CCDC138: variants seen among roughly 807,000 people sequenced by gnomAD.
CCDC138 encodes the protein coiled-coil domain containing 138, also known as coiled-coil domain-containing protein 138.
A neutral mutation model predicts 82.3 loss-of-function variants in CCDC138; 66 were observed. That is an observed-to-expected ratio of 0.80 (90% confidence interval 0.66 to 0.98). The LOEUF is 0.98. CCDC138 is among the 50% of genes least tolerant of loss of function. The pLI is 0.00. For missense variants in CCDC138, 816 were observed against 758.9 expected (o/e 1.08, Z -0.88); for synonymous variants, 297 against 265.4 (o/e 1.12, Z -1.16).
rs1174728694 is a variant in CCDC138, at chr2:108,846,944, T to C, written c.1516+14T>C. Reference sequence around the variant, plus strand: ...CAGTCACTCAAGGTAAGCTTTCAATTGTACTTATGGTTAATTTTGAGAAAC... The same window carrying C: ...CAGTCACTCAAGGTAAGCTTTCAATCGTACTTATGGTTAATTTTGAGAAAC... On this transcript the variant is annotated intron_variant, in intron 12 of 14. Coordinates refer to ENST00000295124, the MANE Select transcript of CCDC138 (RefSeq NM_144978.3). The C allele has an allele frequency of 1.4e-6, 2 of 1,398,104 alleles. No individual in the cohort carries two copies. The highest frequency in any genetic ancestry group is 1.0e-6 in the Non-Finnish European group (1 of 994,220). The allele number at this position is 1,398,104 out of a possible 1,614,324, so 86.6% of individuals were successfully genotyped here. A position where few individuals can be genotyped will look rare whatever the true frequency, so the allele number is the denominator to read the frequency against.
At chr2:108,823,838 G>A (rs147140345) in intron 10 of CCDC138, among the ~76,000 whole-genome samples, 6 of 152,254 alleles carry the variant, frequency 3.9e-5, no homozygotes, top group African/African-American at 7.2e-5. Context: ...TTAGTTGGGC[G>A]TGGTGGCGGG....
chr2:108,787,135 G>T (rs1678982088), intron 1 of CCDC138, among the ~76,000 whole-genome samples: 1 of 152,214 alleles, frequency 6.6e-6, no homozygotes, highest in African/African-American at 2.4e-5. Flanking sequence ...CTGTGTTCCT[G>T]GTATACTGGG....
At position 108,828,408 on chromosome 2, in the gene CCDC138, T is replaced by C. The variant is rs116558440; in HGVS notation, c.1207-10777T>C. ...GCACAATGAAAAGCCAAAACAACCATAAAAAGAACAAAGTTAGAGAGAGCT... is the reference window on the plus strand; with the variant it reads ...GCACAATGAAAAGCCAAAACAACCACAAAAAGAACAAAGTTAGAGAGAGCT... On this transcript the variant is annotated intron_variant, in intron 10 of 14. Coordinates refer to ENST00000295124, the MANE Select transcript of CCDC138 (RefSeq NM_144978.3). Among the ~76,000 whole-genome samples the C allele has an allele frequency of 8.3e-3, 1,266 of 152,216 alleles. 14 individuals carry two copies. Among genetic ancestry groups the C allele is most frequent in the African/African-American group, 0.029 (1,192 of 41,520 alleles).
intron 10 of CCDC138, among the ~76,000 whole-genome samples, chr2:108,838,947 G>A (rs1032073067): frequency 2.0e-5 from 3 of 152,048 alleles, no homozygotes; most frequent in African/African-American, 7.2e-5. Context: ...CTTTGTGTAG[G>A]TTAATCTCCT....
intron 10 of CCDC138, among the ~76,000 whole-genome samples, chr2:108,830,255 G>A (rs906064088): frequency 6.6e-6 from 1 of 152,174 alleles, no homozygotes; most frequent in African/African-American, 2.4e-5. Flanking sequence ...AAGGGCTGGG[G>A]GAAGAGAATG....
downstream of CCDC138, among the ~76,000 whole-genome samples, chr2:108,879,142 T>A (rs1238550549): frequency 3.3e-5 from 5 of 152,222 alleles, no homozygotes; most frequent in Non-Finnish European, 5.9e-5. Flanking sequence ...TATTTATTTA[T>A]TTAATTTTCT....
chr2:108,874,097 A>G (rs996954113), intron 14 of CCDC138, among the ~76,000 whole-genome samples: 2 of 152,208 alleles, frequency 1.3e-5, no homozygotes, highest in Non-Finnish European at 2.9e-5. Flanking sequence ...AGCAGTTTTT[A>G]GCAACCAAGT....
intron 7 of CCDC138, among the ~76,000 whole-genome samples, chr2:108,811,222 C>A (rs1357631946): frequency 7.3e-6 from 1 of 136,318 alleles, no homozygotes; most frequent in Admixed American, 7.6e-5. Flanking sequence ...TATTTCTTCT[C>A]TCCCTTTTCT....
At chr2:108,827,632 C>A (rs987369901) in intron 10 of CCDC138, among the ~76,000 whole-genome samples, 1 of 151,854 alleles carries the variant, frequency 6.6e-6, no homozygotes, top group East Asian at 1.9e-4. Flanking sequence ...CTGGCTAACA[C>A]AGTGAAACCC....
intron 10 of CCDC138, among the ~76,000 whole-genome samples, chr2:108,828,324 A>C (rs1219204967): frequency 1.3e-5 from 2 of 152,244 alleles, no homozygotes; most frequent in Non-Finnish European, 2.9e-5. Context: ...ACGTAAAAAC[A>C]TAAAACTTTT....
At chr2:108,856,060 G>T (rs955080285) in intron 12 of CCDC138, among the ~76,000 whole-genome samples, 1 of 152,206 alleles carries the variant, frequency 6.6e-6, no homozygotes, top group Non-Finnish European at 1.5e-5. Context: ...GTTGTGTAGT[G>T]TACTGAAGTG....
At chr2:108,882,036 C>T (rs1429165099) in intron 1 of CCDC138, among the ~76,000 whole-genome samples, 1 of 151,882 alleles carries the variant, frequency 6.6e-6, no homozygotes, top group Non-Finnish European at 1.5e-5. Context: ...CGCTTGTAGT[C>T]CTAGCAACTC....
intron 4 of CCDC138, among the ~76,000 whole-genome samples, chr2:108,794,019 A>G (rs1451779176): frequency 6.6e-6 from 1 of 152,204 alleles, no homozygotes; most frequent in African/African-American, 2.4e-5. Flanking sequence ...AGTGTTTGCA[A>G]AATAGGATAT....
chr2:108,786,852 G>A lies in CCDC138; in HGVS notation c.30G>A (p.Gly10=). The A allele has an allele frequency of 6.3e-7, 1 of 1,593,784 alleles. No homozygotes were observed. Among genetic ancestry groups the A allele is most frequent in the Admixed American group, 1.8e-5 (1 of 56,652 alleles). The change falls in exon 1 of 15, where the codon GGG becomes GGA. Residue 10 remains glycine, a synonymous_variant. Coordinates refer to ENST00000295124, the MANE Select transcript of CCDC138 (RefSeq NM_144978.3). The stretch of plus-strand genomic sequence containing the variant: ...AGCCGAGGGTCGTCAAGCCACCGGG[G>A]CAGGATTTAGTAGTGGAGAGTCTCA... MEPRVVKPP[G]QDLVVESLKS...
chr2:108,874,266 G>A (rs970850420), intron 14 of CCDC138, among the ~76,000 whole-genome samples: 22 of 152,048 alleles, frequency 1.4e-4, no homozygotes, highest in African/African-American at 5.3e-4. Context: ...CTTTGGTAAC[G>A]GGATTTATTT....
chr2:108,876,466 A>G lies in CCDC138; in HGVS notation c.*213A>G. 2.9e-6 allele frequency: 1 copy of G among 339,650 alleles called. No individual in the cohort carries two copies. Among genetic ancestry groups the G allele is most frequent in the East Asian group, 4.5e-5 (1 of 22,296 alleles). 21.0% of individuals were successfully genotyped at this position (339,650 alleles called of 1,614,324 possible). A position where few individuals can be genotyped will look rare whatever the true frequency, so the allele number is the denominator to read the frequency against. ...AGGTAAGGTAATACTAATATACAAG[A>G]TGGCGTTTCTAGAATGTATGACACT... On this transcript the variant is annotated 3_prime_UTR_variant, in exon 15 of 15. Transcript: ENST00000295124.
intron 6 of CCDC138, among the ~76,000 whole-genome samples, chr2:108,804,467 CTTTCA>C (rs1682502466): frequency 6.6e-6 from 1 of 152,022 alleles, no homozygotes; most frequent in South Asian, 2.1e-4. Flanking sequence ...TGAAAGATTT[CTTTCA>C]TTTCTCAAAG....
intron 4 of CCDC138, among the ~76,000 whole-genome samples, chr2:108,792,962 G>C (rs1325892221): frequency 6.6e-6 from 1 of 151,966 alleles, no homozygotes; most frequent in African/African-American, 2.4e-5. Context: ...TACTCGGGAG[G>C]CTGAGGCAGG....
chr2:108,862,207 A>G (rs1331241179), intron 13 of CCDC138, among the ~76,000 whole-genome samples: 1 of 151,958 alleles, frequency 6.6e-6, no homozygotes, highest in African/African-American at 2.4e-5. Flanking sequence ...AAAAAAAAAC[A>G]AAACAGGAAA....
Sources: gnomAD v4.1 joint callset for allele counts (sites outside exome capture counted in the v4.1 genomes callset) on GRCh38, gnomAD v4.1.1 for gene constraint, MANE v1.5 for transcripts, NCBI Gene and HGNC (gene_info 2026-07-23, HGNC 2026-07-21) for gene names.